The following LIPN variants were observed in gnomAD, a reference collection of about 807,000 sequenced individuals.
The protein encoded by LIPN is lipase family member N.
LIPN carries 32 observed loss-of-function variants against 43.7 expected under a neutral mutation model. The observed-to-expected ratio is 0.73, with a 90% CI of 0.55 to 0.98. The LOEUF (loss-of-function observed/expected upper bound fraction) is 0.98. Ranked by LOEUF, LIPN falls within the 50% of genes least tolerant of loss-of-function variation. The probability of loss-of-function intolerance (pLI) is 0.00; values close to 1 mark genes in which losing one functional copy is unlikely to be tolerated. For synonymous variants in LIPN, 156 were observed against 157.6 expected, an observed-to-expected ratio of 0.99 and a Z score of 0.08; for missense variants, 505 against 483.8, an observed-to-expected ratio of 1.04 and a Z score of -0.41.
chr10:88,761,448 A>T lies in LIPN; in HGVS notation c.43A>T (p.Thr15Ser), dbSNP rs1270975627. Reference sequence around the variant, plus strand: ...AACAACAACTTGTTTGATCTGTGGAACTTTAAATGCTGGTGGATTCCTTGA... The same window carrying T: ...AACAACAACTTGTTTGATCTGTGGATCTTTAAATGCTGGTGGATTCCTTGA... ...LLTTTCLICGTLNAGGFLDLE... is the reference protein window; with the variant it reads ...LLTTTCLICGSLNAGGFLDLE... The change falls in exon 2 of 10, where the codon ACT becomes TCT. Residue 15 changes from threonine (T) to serine (S), a missense_variant. Coordinates refer to ENST00000404459, the MANE Select transcript of LIPN (RefSeq NM_001102469.2). 2 of 1,612,318 alleles carry T rather than the reference A, an allele frequency of 1.2e-6. No homozygotes were observed. Among genetic ancestry groups the T allele is most frequent in the African/African-American group, 1.3e-5 (1 of 74,828 alleles).
chr10:88,766,836 G>C (rs1843109219), intron 5 of LIPN, among the ~76,000 whole-genome samples: 1 of 151,828 alleles, frequency 6.6e-6, no homozygotes, highest in South Asian at 2.1e-4. Flanking sequence ...AACTGAAAAG[G>C]CATGGTTATA....
chr10:88,776,986 A>T (rs925384815), intron 9 of LIPN, among the ~76,000 whole-genome samples: 1 of 152,014 alleles, frequency 6.6e-6, no homozygotes, highest in Non-Finnish European at 1.5e-5. Flanking sequence ...AGTTATCATT[A>T]TGTCACTCTG....
chr10:88,766,395 C>T lies in LIPN; in HGVS notation c.535+17C>T, dbSNP rs1356557672. 1 of 1,427,046 alleles carries T rather than the reference C, an allele frequency of 7.0e-7. No individual in the cohort carries two copies. Among genetic ancestry groups the T allele is most frequent in the South Asian group, 1.1e-5 (1 of 87,282 alleles). The allele number at this position is 1,427,046 out of a possible 1,614,324, so 88.4% of individuals were successfully genotyped here. On this transcript the variant is annotated intron_variant, in intron 5 of 9. Coordinates refer to ENST00000404459, the MANE Select transcript of LIPN (RefSeq NM_001102469.2). ...CTACAATAGGTATGTTTATGAGGGT[C>T]ACTGTTAGGTGTGTTTTTGAGGGTC...
intron 6 of LIPN, chr10:88,769,716 G>A (rs994214498): frequency 2.8e-5 from 9 of 320,622 alleles, no homozygotes; most frequent in African/African-American, 2.0e-4. Context: ...TTGGGGTAGA[G>A]TGGTAGGAAT....
chr10:88,766,953 A>G (rs1843112126), intron 5 of LIPN, among the ~76,000 whole-genome samples: 1 of 151,994 alleles, frequency 6.6e-6, no homozygotes, highest in African/African-American at 2.4e-5. Context: ...TGTAAGCACT[A>G]TGTAGAAATT....
Position 88,769,703 on chromosome 10 carries a change from G to C in LIPN, c.672+775G>C, listed in dbSNP as rs116519256. 747 of 431,582 alleles carry C rather than the reference G, an allele frequency of 1.7e-3. 3 individuals are homozygous for C. Among genetic ancestry groups the C allele is most frequent in the African/African-American group, 0.015 (696 of 46,624 alleles). 26.7% of individuals were successfully genotyped at this position (431,582 alleles called of 1,614,324 possible). On this transcript the variant is annotated intron_variant, in intron 6 of 9. Coordinates refer to ENST00000404459, the MANE Select transcript of LIPN (RefSeq NM_001102469.2). Reference sequence around the variant, plus strand: ...TTCATATATAAGAAAATGAGACGTTGGTTTGGGGTAGAGTGGTAGGAATGA... The same window carrying C: ...TTCATATATAAGAAAATGAGACGTTCGTTTGGGGTAGAGTGGTAGGAATGA...
Position 88,766,332 on chromosome 10 carries a change from T to A in LIPN, c.489T>A (p.Gly163=). Residue 163 remains glycine, a synonymous_variant, in exon 5 of 10, where the codon GGT becomes GGA. Transcript: ENST00000404459. ...TAGACTTCATTGTAAATAAAACTGG[T>A]CAGGAGAAATTGTATTTCATTGGAC... ...GVIDFIVNKT[G]QEKLYFIGHS... The A allele has an allele frequency of 6.2e-7, 1 of 1,610,108 alleles. No individual in the cohort carries two copies. Among genetic ancestry groups the A allele is most frequent in the Non-Finnish European group, 8.5e-7 (1 of 1,177,168 alleles).
rs879899946 is a variant in LIPN at position 88,775,298 on chromosome 10, TTTTAA to T, written c.963+139_963+143del. 3.5e-3 allele frequency: 1,491 copies of T among 427,872 alleles called. 61 individuals are homozygous for T. In the Admixed American group the frequency reaches 0.055, roughly 16 times the overall value. The allele number at this position is 427,872 out of a possible 1,614,324, so 26.5% of individuals were successfully genotyped here. A position where few individuals can be genotyped will look rare whatever the true frequency, so the allele number is the denominator to read the frequency against. ...GAACTTTTTTTTAAAAAAATTTTAA[TTTTAA>T]TTTTAATTTATTTCAGAAAATTTAT... On this transcript the variant is annotated intron_variant, in intron 9 of 9. Coordinates refer to ENST00000404459, the MANE Select transcript of LIPN (RefSeq NM_001102469.2).
rs1843349667 is a variant in LIPN, at chr10:88,779,406, A to C, written c.*1164A>C. ...ACTAGCATTCATCAATTTAATGTAT[A>C]CGTATTGATGGGGAATAATGGTCAC... On this transcript the variant is annotated 3_prime_UTR_variant, in exon 10 of 10. Coordinates refer to ENST00000404459, the MANE Select transcript of LIPN (RefSeq NM_001102469.2). 6.6e-6 allele frequency among the ~76,000 whole-genome samples: 1 copy of C among 152,180 alleles called. No homozygotes were observed. The highest frequency in any genetic ancestry group is 1.5e-5 in the Non-Finnish European group (1 of 68,030).
intron 6 of LIPN, chr10:88,769,556 C>T: frequency 1.0e-6 from 1 of 969,040 alleles, no homozygotes; most frequent in South Asian, 4.8e-5. Flanking sequence ...CTACAAAGGT[C>T]ATTGCCACAA....
intron 9 of LIPN, 96 bp downstream of exon 9, chr10:88,775,259 C>A: frequency 1.5e-6 from 1 of 668,402 alleles, no homozygotes; most frequent in Non-Finnish European, 2.4e-6. Flanking sequence ...CATTTGGTGG[C>A]ATTTATACTG....
intron 7 of LIPN, among the ~76,000 whole-genome samples, chr10:88,774,202 C>A (rs1384867450): frequency 6.6e-6 from 1 of 152,004 alleles, no homozygotes; most frequent in African/African-American, 2.4e-5. Flanking sequence ...CCATGATGAC[C>A]ATTACTGTTC....
At chr10:88,772,876 A>C (rs1230798865) in intron 7 of LIPN, among the ~76,000 whole-genome samples, 2 of 151,836 alleles carry the variant, frequency 1.3e-5, no homozygotes, top group Non-Finnish European at 2.9e-5. Context: ...AAAGAAAAAA[A>C]AAACAAGAAA....
At chr10:88,767,021 C>T (rs550827414) in intron 5 of LIPN, among the ~76,000 whole-genome samples, 11 of 151,914 alleles carry the variant, frequency 7.2e-5, no homozygotes, top group Non-Finnish European at 1.0e-4. Context: ...ACTTAATTTA[C>T]TTTACAATTT....
At chr10:88,766,183 T>C in intron 4 of LIPN, 86 bp from the exon 5 acceptor site, 1 of 712,918 alleles carries the variant, frequency 1.4e-6, no homozygotes, top group South Asian at 1.7e-5. Context: ...GCATAGAATC[T>C]GGGTGTAAAA....
chr10:88,761,474 T>C lies in LIPN; in HGVS notation c.69T>C (p.Asp23=). The change falls in exon 2 of 10, where the codon GAT becomes GAC. Residue 23 remains aspartate (D), a synonymous_variant. Transcript: ENST00000404459. ...CGTLNAGGFL[D]LENEVNPEVW... is the part of the protein sequence containing the mutation. ...CTTTAAATGCTGGTGGATTCCTTGA[T>C]TTGGAAAATGAAGTGAATCCTGAGG... 6.2e-7 allele frequency: 1 copy of C among 1,612,282 alleles called. No homozygotes were observed. The highest frequency in any genetic ancestry group is 8.5e-7 in the Non-Finnish European group (1 of 1,178,896).
chr10:88,764,080 A>C (rs1283598326), intron 3 of LIPN, among the ~76,000 whole-genome samples: 1 of 151,994 alleles, frequency 6.6e-6, no homozygotes, highest in Non-Finnish European at 1.5e-5. Flanking sequence ...TTAACTACAT[A>C]AAGTTTTGTT....
Position 88,764,410 on chromosome 10 carries a change from G to C in LIPN, c.227G>C (p.Gly76Ala). The C allele has an allele frequency of 6.2e-7, 1 of 1,603,856 alleles. No homozygotes were observed. Among genetic ancestry groups the C allele is most frequent in the Non-Finnish European group, 8.5e-7 (1 of 1,174,288 alleles). The change falls in exon 4 of 10, where the codon GGT becomes GCT. Residue 76 changes from glycine to alanine, a missense_variant and splice_region_variant. Coordinates refer to ENST00000404459, the MANE Select transcript of LIPN (RefSeq NM_001102469.2). ...PYGRTHARST[G>A]PRPVVYMQHA... ...CTCATCTTACCCTTTCCCCCACCAG[G>C]TCCCCGGCCAGTTGTGTATATGCAG...
chr10:88,769,942 CA>C (rs1419486459), intron 6 of LIPN, among the ~76,000 whole-genome samples: 1 of 151,818 alleles, frequency 6.6e-6, no homozygotes, highest in African/African-American at 2.4e-5. Flanking sequence ...ACAGTGTGAG[CA>C]AACTAATTTG....
Sources: allele counts gnomAD v4.1 joint callset (sites outside exome capture counted in the v4.1 genomes callset), GRCh38; gene constraint gnomAD v4.1.1; transcripts MANE v1.5; gene names NCBI Gene and HGNC (gene_info 2026-07-23, HGNC 2026-07-21).